STAU1: variants seen among roughly 807,000 people sequenced by gnomAD.
STAU1 encodes staufen double-stranded RNA binding protein 1.
Under a neutral mutation model 62.9 loss-of-function variants are expected in STAU1, and 13 were observed. That is an observed-to-expected ratio of 0.21 (90% CI 0.13 to 0.33). The LOEUF (loss-of-function observed/expected upper bound fraction) is 0.33, where lower values mean the gene tolerates loss of function less well. STAU1 is among the 10% of genes least tolerant of loss of function. STAU1 has a pLI of 1.00. For missense variants in STAU1, 571 were observed against 712.1 expected, an observed-to-expected ratio of 0.80 and a Z score of 2.25; for synonymous variants, 269 against 265.1, an observed-to-expected ratio of 1.01 and a Z score of -0.14.
chr20:49,129,537 A>G lies in STAU1; in HGVS notation c.610-4950T>C, dbSNP rs575926281. 7.3e-5 allele frequency among the ~76,000 whole-genome samples: 11 copies of G among 151,552 alleles called. No homozygotes were observed. The East Asian group carries it at 2.1e-3, about 29-fold the overall frequency. On this transcript the variant is annotated intron_variant, in intron 6 of 13. Coordinates refer to ENST00000371856, the MANE Select transcript of STAU1 (RefSeq NM_017453.4). ...AAATTTTAAAAGCTGACAATACCCA[A>G]GTGTTGGAGAGGATGTAGAGCAACT... is the stretch of plus-strand genomic sequence containing the variant.
At chr20:49,134,448 A>AAAAAAAAAAAATATTG (rs1568850932) in intron 6 of STAU1, 1 of 625,408 alleles carries the variant, frequency 1.6e-6, no homozygotes. Context: ...AAAAAAAAAA[A>AAAAAAAAAAAATATTG]AGCTCTGGGT....
intron 6 of STAU1, among the ~76,000 whole-genome samples, chr20:49,125,079 A>AAAAAG (rs2092563082): frequency 6.6e-6 from 1 of 150,502 alleles, no homozygotes; most frequent in South Asian, 2.1e-4. Flanking sequence ...AGTAAAAAAA[A>AAAAAG]AAAAAAAAAA....
chr20:49,198,147 G>C, the STAU1 span, among the ~76,000 whole-genome samples: 2 of 152,154 alleles, frequency 1.3e-5, no homozygotes, highest in Admixed American at 6.6e-5. Flanking sequence ...GATGTCATTA[G>C]GAAATGCAAA....
the STAU1 span, among the ~76,000 whole-genome samples, chr20:49,210,191 G>T: frequency 6.6e-6 from 1 of 152,216 alleles, no homozygotes; most frequent in South Asian, 2.1e-4. Flanking sequence ...CCTTTTTCCT[G>T]GGCTGGATCT....
rs370871587 is a variant in STAU1, at chr20:49,173,034, C to T, written c.-85+1161G>A. Among the ~76,000 whole-genome samples the T allele has an allele frequency of 2.0e-4, 31 of 151,766 alleles. No individual in the cohort carries two copies. In the East Asian group the frequency reaches 4.3e-3, roughly 21 times the overall value. ...ATGTTTTTTGTATTTTTAGTAAAGA[C>T]GGGGTTTCACCGTGTTAGCCAGGAG... On this transcript the variant is annotated intron_variant, in intron 2 of 13. Transcript: ENST00000371856.
chr20:49,161,909 A>C (rs867118959), intron 3 of STAU1, among the ~76,000 whole-genome samples: 1 of 152,144 alleles, frequency 6.6e-6, no homozygotes, highest in Non-Finnish European at 1.5e-5. Context: ...TGTGTCTTCA[A>C]AAGAGAGTGA....
intron 6 of STAU1, among the ~76,000 whole-genome samples, chr20:49,126,726 T>C (rs1218623269): frequency 6.6e-6 from 1 of 151,754 alleles, no homozygotes; most frequent in Non-Finnish European, 1.5e-5. Context: ...TGTGTAAGGA[T>C]AAATAGATCA....
rs553987503 is a variant in STAU1, at chr20:49,183,464, T to C, written c.-160+4652A>G. Among the ~76,000 whole-genome samples, 3 of 152,308 alleles carry C rather than the reference T, an allele frequency of 2.0e-5. No individual in the cohort carries two copies. The East Asian group carries it at 5.8e-4, about 29-fold the overall frequency. ...TGAGCTCAGGAGTTCAAGACCAGCCTGGGCGACAAACTCTGGGATTGACTT... is the reference window on the plus strand; with the variant it reads ...TGAGCTCAGGAGTTCAAGACCAGCCCGGGCGACAAACTCTGGGATTGACTT... On this transcript the variant is annotated intron_variant, in intron 1 of 13. Transcript: ENST00000371856.
rs1267241157 is a variant in STAU1 at position 49,117,519 on chromosome 20, A to C, written c.1509+258T>G. Among the ~76,000 whole-genome samples the C allele has an allele frequency of 6.6e-6, 1 of 152,168 alleles. No individual in the cohort carries two copies. The highest frequency in any genetic ancestry group is 1.5e-5 in the Non-Finnish European group (1 of 68,018). ...TCTGTTCTTTGAAATCCAAATTTAC[A>C]ACCACTGCTAGTGGTTAGAAGCTTT... On this transcript the variant is annotated intron_variant, in intron 11 of 13. Coordinates refer to ENST00000371856, the MANE Select transcript of STAU1 (RefSeq NM_017453.4). The surrounding 1 kb of genome is among the most constrained non-coding windows in gnomAD (Gnocchi z 4.6).
the STAU1 span, among the ~76,000 whole-genome samples, chr20:49,215,146 T>C: frequency 6.6e-6 from 1 of 152,162 alleles, no homozygotes; most frequent in Admixed American, 6.6e-5. Context: ...TGACAGCCAC[T>C]CCATCCAAGT....
chr20:49,197,914 G>A, the STAU1 span, among the ~76,000 whole-genome samples: 1 of 152,052 alleles, frequency 6.6e-6, no homozygotes, highest in Non-Finnish European at 1.5e-5. Flanking sequence ...TCACTATGTT[G>A]CTCAGGCTGG....
At chr20:49,122,785 C>A (rs2092494531) in intron 8 of STAU1, among the ~76,000 whole-genome samples, 1 of 152,092 alleles carries the variant, frequency 6.6e-6, no homozygotes, top group African/African-American at 2.4e-5. Flanking sequence ...GGCATGGTGG[C>A]ACGTGCCTGT....
Position 49,118,323 on chromosome 20 carries a change from T to C in STAU1, c.1189+10A>G, listed in dbSNP as rs189425557. On this transcript the variant is annotated intron_variant, in intron 10 of 13. Transcript: ENST00000371856. Reference sequence around the variant, plus strand: ...CGTTCAGAGGAAGACGATATTAAGATCACACTTACTAGTCCCATTTTCATC... The same window carrying C: ...CGTTCAGAGGAAGACGATATTAAGACCACACTTACTAGTCCCATTTTCATC... 37 of 1,609,814 alleles carry C rather than the reference T, an allele frequency of 2.3e-5. No homozygotes were observed. Among genetic ancestry groups the C allele is most frequent in the Non-Finnish European group, 3.0e-5 (35 of 1,177,610 alleles).
At chr20:49,203,974 CGCCTGGCCAGGGG>C in the STAU1 span, among the ~76,000 whole-genome samples, 1 of 152,122 alleles carries the variant, frequency 6.6e-6, no homozygotes, top group Admixed American at 6.6e-5. Context: ...AGGGCCACCT[CGCCTGGCCAGGGG>C]GTAGTAGTTT....
chr20:49,163,419 CTTTT>C (rs200864480), intron 3 of STAU1, among the ~76,000 whole-genome samples: 5 of 82,422 alleles, frequency 6.1e-5, no homozygotes, highest in African/African-American at 1.6e-4. Flanking sequence ...GTGTTTAAAC[CTTTT>C]TTTTTTTTTT....
At chr20:49,198,503 T>A in the STAU1 span, among the ~76,000 whole-genome samples, 3 of 151,818 alleles carry the variant, frequency 2.0e-5, no homozygotes, top group African/African-American at 7.3e-5. Flanking sequence ...CAAGACTCCA[T>A]CTTACAAATA....
At chr20:49,153,791 G>C in intron 4 of STAU1, 142 bp downstream of exon 4, 1 of 640,296 alleles carries the variant, frequency 1.6e-6, no homozygotes, top group Non-Finnish European at 2.3e-6. Context: ...AAAGGCACAA[G>C]AGTAATTAAG....
intron 7 of STAU1, among the ~76,000 whole-genome samples, chr20:49,123,853 C>CA (rs2092528274): frequency 6.6e-6 from 1 of 152,230 alleles, no homozygotes; most frequent in East Asian, 1.9e-4. Flanking sequence ...CTGAAAATCA[C>CA]AAAGTTCCCC....
At chr20:49,168,231 C>A (rs957644790) in intron 2 of STAU1, among the ~76,000 whole-genome samples, 5 of 152,034 alleles carry the variant, frequency 3.3e-5, no homozygotes, top group Non-Finnish European at 5.9e-5. Context: ...CAGGCATGAG[C>A]CACCATGCCT....
Sources: gnomAD v4.1 joint callset for allele counts (sites outside exome capture counted in the v4.1 genomes callset) on GRCh38, gnomAD v4.1.1 for gene constraint, Gnocchi (gnomAD v3.1) non-coding constraint, MANE v1.5 for transcripts, NCBI Gene and HGNC (gene_info 2026-07-23, HGNC 2026-07-21) for gene names.